The following XKR9 variants were observed in gnomAD, a reference collection of about 807,000 sequenced individuals.
XKR9 encodes XK related 9.
A neutral mutation model predicts 32.0 loss-of-function variants in XKR9; 32 were observed. That is an observed-to-expected ratio of 1.00 (90% CI 0.76 to 1.34). The LOEUF is 1.34. Among genes scored for constraint, XKR9 ranks in the 40% most tolerant of loss-of-function variants. The pLI is 0.00. For synonymous variants in XKR9, 168 were observed against 143.4 expected, an observed-to-expected ratio of 1.17 and a Z score of -1.22; for missense variants, 546 against 429.7, an observed-to-expected ratio of 1.27 and a Z score of -2.39.
At chr8:70,854,607 T>C in the XKR9 span, among the ~76,000 whole-genome samples, 1 of 152,176 alleles carries the variant, frequency 6.6e-6, no homozygotes, top group Non-Finnish European at 1.5e-5. Flanking sequence ...CATGCCTATG[T>C]CCTGAATGGT....
At chr8:71,046,530 C>T in the XKR9 span, among the ~76,000 whole-genome samples, 1 of 152,190 alleles carries the variant, frequency 6.6e-6, no homozygotes, top group African/African-American at 2.4e-5. Flanking sequence ...CAGTAGGTAT[C>T]ATTGTGCCTG....
chr8:70,923,458 C>G, the XKR9 span, among the ~76,000 whole-genome samples: 1 of 152,216 alleles, frequency 6.6e-6, no homozygotes, highest in Non-Finnish European at 1.5e-5. Context: ...GGATCCCTGT[C>G]TCACTCTCAG....
chr8:70,832,152 A>G, the XKR9 span, among the ~76,000 whole-genome samples: 1 of 152,140 alleles, frequency 6.6e-6, no homozygotes, highest in Non-Finnish European at 1.5e-5. Flanking sequence ...AAATGAATAC[A>G]TTGCTCTACT....
chr8:70,705,993 G>A (rs748253244), intron 3 of XKR9, among the ~76,000 whole-genome samples: 4 of 152,012 alleles, frequency 2.6e-5, no homozygotes, highest in Non-Finnish European at 5.9e-5. Flanking sequence ...TGAAAGAAGA[G>A]GAATTGGAAT....
chr8:70,759,134 T>A (rs1449120117), intron 2 of XKR9, among the ~76,000 whole-genome samples: 1 of 152,260 alleles, frequency 6.6e-6, no homozygotes, highest in Non-Finnish European at 1.5e-5. Flanking sequence ...GTAAAAAGTC[T>A]TTCCAGTTTT....
intron 2 of XKR9, among the ~76,000 whole-genome samples, chr8:70,753,738 A>G (rs1204516060): frequency 2.0e-5 from 3 of 152,078 alleles, no homozygotes; most frequent in Admixed American, 6.6e-5. Context: ...AAAACTCTCA[A>G]TAAATTAGGT....
chr8:70,964,740 G>A, the XKR9 span, among the ~76,000 whole-genome samples: 2 of 152,006 alleles, frequency 1.3e-5, no homozygotes, highest in South Asian at 2.1e-4. Context: ...TCATGATTTG[G>A]CTCTCTGCTT....
intron 1 of XKR9, among the ~76,000 whole-genome samples, chr8:70,673,450 G>T (rs1818783259): frequency 6.6e-6 from 1 of 152,200 alleles, no homozygotes; most frequent in Admixed American, 6.5e-5. Context: ...CTATGTTTTA[G>T]ATGAGATAAA....
the XKR9 span, among the ~76,000 whole-genome samples, chr8:70,965,931 T>A: frequency 0.32 from 48,365 of 151,942 alleles, 9,013 homozygotes; most frequent in Non-Finnish European, 0.43. Flanking sequence ...TCAGCTCTGA[T>A]CTTGGTCATT....
At chr8:70,731,449 A>G (rs1806662556) in intron 4 of XKR9, among the ~76,000 whole-genome samples, 2 of 152,190 alleles carry the variant, frequency 1.3e-5, no homozygotes, top group Admixed American at 1.3e-4. Context: ...ACTTTACAAA[A>G]GCCACCTTTT....
At position 70,681,339 on chromosome 8, in the gene XKR9, A is replaced by C. The variant is rs774580807; in HGVS notation, c.272+9A>C. On this transcript the variant is annotated intron_variant, in intron 3 of 4. Transcript: ENST00000408926. ...GGAGGAGTTTTTACAAGGTGAGCAT[A>C]CATGTTTAATCATTACCACTGTTTT... is the stretch of plus-strand genomic sequence containing the variant. 1 of 1,606,622 alleles carries C rather than the reference A, an allele frequency of 6.2e-7. No individual in the cohort carries two copies. Among genetic ancestry groups the C allele is most frequent in the Non-Finnish European group, 8.5e-7 (1 of 1,176,806 alleles).
rs190018814 is a variant in XKR9 at position 70,680,257 on chromosome 8, A to G, written c.-278-524A>G. Among the ~76,000 whole-genome samples, 6 of 152,224 alleles carry G rather than the reference A, an allele frequency of 3.9e-5. No homozygotes were observed. The East Asian group carries it at 5.8e-4, about 15-fold the overall frequency. The stretch of plus-strand genomic sequence containing the variant: ...CTTTAGTGTGGATGTACCATAATCT[A>G]TTGAACTAGGCCTCTCAATTGTCAT... On this transcript the variant is annotated intron_variant, in intron 2 of 4. Coordinates refer to ENST00000408926, the MANE Select transcript of XKR9 (RefSeq NM_001011720.2).
At chr8:70,976,901 T>A in the XKR9 span, among the ~76,000 whole-genome samples, 1 of 152,172 alleles carries the variant, frequency 6.6e-6, no homozygotes, top group Non-Finnish European at 1.5e-5. Flanking sequence ...TCAGAGCCTG[T>A]TATTGGTCTA....
chr8:70,740,990 C>T (rs1359125493), intron 2 of XKR9, among the ~76,000 whole-genome samples: 1 of 152,366 alleles, frequency 6.6e-6, no homozygotes, highest in Non-Finnish European at 1.5e-5. Flanking sequence ...CCACTGCTCT[C>T]TTCAAAAGCT....
chr8:70,996,612 A>G, the XKR9 span, among the ~76,000 whole-genome samples: 1 of 152,212 alleles, frequency 6.6e-6, no homozygotes, highest in African/African-American at 2.4e-5. Context: ...TCCTCATCAG[A>G]AATAAAACTT....
intron 2 of XKR9, among the ~76,000 whole-genome samples, chr8:70,775,353 C>T (rs76873707): frequency 0.037 from 5,688 of 152,182 alleles, 149 homozygotes; most frequent in South Asian, 0.078. Flanking sequence ...TCAAACACAA[C>T]GTGAAACAGA....
At chr8:70,908,014 G>A in the XKR9 span, among the ~76,000 whole-genome samples, 23 of 152,132 alleles carry the variant, frequency 1.5e-4, no homozygotes, top group African/African-American at 4.3e-4. Context: ...CTCTTAATTC[G>A]TTGAAACTTT....
intron 4 of XKR9, among the ~76,000 whole-genome samples, chr8:70,709,289 C>T (rs529986945): frequency 2.0e-5 from 3 of 151,920 alleles, no homozygotes; most frequent in East Asian, 1.9e-4. Context: ...AAAGGATGCC[C>T]GGGAATATAC....
chr8:70,780,861 C>A (rs773262786), intron 2 of XKR9: 4 of 151,892 alleles, frequency 2.6e-5, no homozygotes, highest in African/African-American at 9.7e-5. Flanking sequence ...TCCTCCTCAC[C>A]AACAATTGGT....
Sources: allele counts gnomAD v4.1 joint callset (sites outside exome capture counted in the v4.1 genomes callset), GRCh38; gene constraint gnomAD v4.1.1; transcripts MANE v1.5; gene names NCBI Gene and HGNC (gene_info 2026-07-23, HGNC 2026-07-21).